Variants in B3GAT2 observed in about 807,000 individuals in gnomAD.
B3GAT2 encodes beta-1,3-glucuronyltransferase 2, also known as galactosylgalactosylxylosylprotein 3-beta-glucuronosyltransferase 2.
Under a neutral mutation model 27.8 loss-of-function variants are expected in B3GAT2, and 26 were observed. The ratio of observed to expected loss-of-function variants is 0.93; its 90% confidence interval spans 0.68 to 1.30. The LOEUF (loss-of-function observed/expected upper bound fraction) is 1.30, where lower values mean the gene tolerates loss of function less well. Among genes scored for constraint, B3GAT2 ranks in the 50% most tolerant of loss-of-function variants. B3GAT2 has a pLI of 0.00. For synonymous variants in B3GAT2, 218 were observed against 195.1 expected, an observed-to-expected ratio of 1.12 and a Z score of -0.98; for missense variants, 458 against 459.0, an observed-to-expected ratio of 1.00 and a Z score of 0.02.
intron 2 of B3GAT2, among the ~76,000 whole-genome samples, chr6:70,870,243 G>C (rs1424223075): frequency 1.3e-5 from 2 of 151,822 alleles, no homozygotes; most frequent in Non-Finnish European, 2.9e-5. Context: ...CCTTTGTAGG[G>C]ACATGGATGA....
chr6:70,860,252 G>A lies in B3GAT2; in HGVS notation c.*1411C>T. 6.2e-7 allele frequency: 1 copy of A among 1,613,724 alleles called. No individual in the cohort carries two copies. On this transcript the variant is annotated 3_prime_UTR_variant, in exon 4 of 4. Coordinates refer to ENST00000230053, the MANE Select transcript of B3GAT2 (RefSeq NM_080742.3). ...ATCAGTAGTGCAACCCCTACTGCAG[G>A]TTTTGGCCAGCCCTCCAGCACAACA...
intron 1 of B3GAT2, among the ~76,000 whole-genome samples, chr6:70,915,723 T>G (rs1192100180): frequency 6.6e-6 from 1 of 152,152 alleles, no homozygotes; most frequent in East Asian, 1.9e-4. Flanking sequence ...AGATGTGTGG[T>G]GTTATTTCTG....
At chr6:70,938,965 C>G (rs1024224527) in intron 1 of B3GAT2, among the ~76,000 whole-genome samples, 2 of 151,698 alleles carry the variant, frequency 1.3e-5, no homozygotes, top group African/African-American at 4.8e-5. Flanking sequence ...AACAGGCAAC[C>G]TACAAAATGG....
At position 70,956,222 on chromosome 6, in the gene B3GAT2, G is replaced by C. The variant is rs747583290; in HGVS notation, c.208C>G (p.Arg70Gly). The change falls in exon 1 of 4, where the codon CGG (arginine) becomes GGG (glycine). Residue 70 changes from arginine to glycine, a missense_variant. Coordinates refer to ENST00000230053, the MANE Select transcript of B3GAT2 (RefSeq NM_080742.3). ...AHGTQKRNQSRPQPQPEPQLP... is the reference protein window; with the variant it reads ...AHGTQKRNQSGPQPQPEPQLP... The stretch of plus-strand genomic sequence containing the variant: ...TGCGGCTCCGGCTGTGGCTGCGGCC[G>C]AGACTGGTTGCGCTTTTGGGTCCCG... The C allele has an allele frequency of 6.2e-7, 1 of 1,612,500 alleles. No homozygotes were observed. Among genetic ancestry groups the C allele is most frequent in the Non-Finnish European group, 8.5e-7 (1 of 1,179,234 alleles).
chr6:70,882,326 C>T (rs1772112540), intron 2 of B3GAT2, among the ~76,000 whole-genome samples: 1 of 151,984 alleles, frequency 6.6e-6, no homozygotes, highest in Non-Finnish European at 1.5e-5. Flanking sequence ...ATGGTGAAAC[C>T]CCGTCTCTAC....
intron 1 of B3GAT2, among the ~76,000 whole-genome samples, chr6:70,932,379 A>C (rs1020888769): frequency 1.3e-5 from 2 of 152,218 alleles, no homozygotes; most frequent in African/African-American, 4.8e-5. Context: ...AATAGGTAAA[A>C]TGTGAAAGCA....
At chr6:70,870,508 T>A (rs1248942515) in intron 2 of B3GAT2, among the ~76,000 whole-genome samples, 1 of 151,710 alleles carries the variant, frequency 6.6e-6, no homozygotes, top group Non-Finnish European at 1.5e-5. Flanking sequence ...AACCTGCACG[T>A]TGTGCACATG....
At chr6:70,924,482 TCA>T (rs1772921512) in intron 1 of B3GAT2, among the ~76,000 whole-genome samples, 1 of 152,174 alleles carries the variant, frequency 6.6e-6, no homozygotes, top group South Asian at 2.1e-4. Flanking sequence ...AATAAGTAAG[TCA>T]CACTTTCCAA....
At chr6:70,904,792 T>C (rs912625418) in intron 1 of B3GAT2, among the ~76,000 whole-genome samples, 10 of 152,162 alleles carry the variant, frequency 6.6e-5, no homozygotes, top group Non-Finnish European at 1.0e-4. Context: ...TAAAAGTTAT[T>C]GGAAAACAAA....
Position 70,956,070 on chromosome 6 carries a change from C to G in B3GAT2, c.360G>C (p.Ala120=). The G allele has an allele frequency of 1.3e-6, 2 of 1,590,804 alleles. No individual in the cohort carries two copies. Among genetic ancestry groups the G allele is most frequent in the Non-Finnish European group, 1.7e-6 (2 of 1,172,722 alleles). ...QLHWILVEDA[A]ARSELVSRFL... ...AGCGGCTCACCAGCTCGCTGCGCGC[C>G]GCCGCGTCCTCCACCAGGATCCAGT... The change falls in exon 1 of 4, where the codon GCG becomes GCC. Residue 120 remains alanine (A), a synonymous_variant. Transcript: ENST00000230053.
intron 2 of B3GAT2, among the ~76,000 whole-genome samples, chr6:70,869,038 G>A (rs1288049255): frequency 6.6e-6 from 1 of 152,130 alleles, no homozygotes; most frequent in Non-Finnish European, 1.5e-5. Context: ...ACCAATTTTT[G>A]AGAAGACTTT....
rs1016430880 is a variant in B3GAT2 at position 70,954,919 on chromosome 6, G to GGGC, written c.591+919_591+920insGCC. Among the ~76,000 whole-genome samples the GGGC allele has an allele frequency of 3.3e-5, 5 of 151,648 alleles. 1 individual carries two copies. The highest frequency in any genetic ancestry group is 1.9e-4 in the East Asian group (1 of 5,150). On this transcript the variant is annotated intron_variant, in intron 1 of 3. Transcript: ENST00000230053. The stretch of plus-strand genomic sequence containing the variant: ...CCCTGTGCCTGCCGGGGGCGGCGGG[G>GGGC]GGGGGCGGTGCGCGCGTGGCCATCC...
chr6:70,928,801 G>A (rs1323110006), intron 1 of B3GAT2, among the ~76,000 whole-genome samples: 1 of 152,000 alleles, frequency 6.6e-6, no homozygotes, highest in African/African-American at 2.4e-5. Flanking sequence ...AAACAGTGTG[G>A]TGATTCCTCA....
At chr6:70,897,014 T>TGG (rs1470753233) in intron 1 of B3GAT2, among the ~76,000 whole-genome samples, 1 of 152,244 alleles carries the variant, frequency 6.6e-6, no homozygotes, top group Non-Finnish European at 1.5e-5. Context: ...TCTGCCATTT[T>TGG]ACATTCTCAT....
rs140981501 is a variant in B3GAT2, at chr6:70,904,154, G to A, written c.592-9882C>T. ...AGCCAGAGAAAAGGCCTCATATAGT[G>A]TTATTCCACTTACATGAAATTCTAG... is the stretch of plus-strand genomic sequence containing the variant. On this transcript the variant is annotated intron_variant, in intron 1 of 3. Transcript: ENST00000230053. Among the ~76,000 whole-genome samples, 14 of 152,236 alleles carry A rather than the reference G, an allele frequency of 9.2e-5. No homozygotes were observed. In the East Asian group the frequency reaches 2.7e-3, roughly 29 times the overall value.
At chr6:70,898,472 C>T (rs187514620) in intron 1 of B3GAT2, among the ~76,000 whole-genome samples, 118 of 152,122 alleles carry the variant, frequency 7.8e-4, no homozygotes, top group African/African-American at 2.7e-3. Context: ...AAATTTTTGG[C>T]CTTAGATGTT....
At chr6:70,928,088 G>T (rs878870020) in intron 1 of B3GAT2, among the ~76,000 whole-genome samples, 1 of 152,056 alleles carries the variant, frequency 6.6e-6, no homozygotes, top group Non-Finnish European at 1.5e-5. Context: ...ATGACTACTG[G>T]GTACATAATG....
intron 1 of B3GAT2, among the ~76,000 whole-genome samples, chr6:70,921,479 C>T (rs1324473111): frequency 6.6e-6 from 1 of 152,174 alleles, no homozygotes; most frequent in Non-Finnish European, 1.5e-5. Context: ...CTTAAAATGG[C>T]TATTTCGTTT....
At chr6:70,948,205 A>C (rs964758799) in intron 1 of B3GAT2, among the ~76,000 whole-genome samples, 8 of 145,740 alleles carry the variant, frequency 5.5e-5, no homozygotes, top group African/African-American at 2.1e-4. Context: ...ACCCCTATTC[A>C]ACATAGTGTT....
Sources: gnomAD v4.1 joint callset for allele counts (sites outside exome capture counted in the v4.1 genomes callset) on GRCh38, gnomAD v4.1.1 for gene constraint, MANE v1.5 for transcripts, NCBI Gene and HGNC (gene_info 2026-07-23, HGNC 2026-07-21) for gene names.